PDE4A: variants seen among roughly 807,000 people sequenced by gnomAD.
PDE4A encodes the protein 3',5'-cyclic-AMP phosphodiesterase 4A.
A neutral mutation model predicts 73.9 loss-of-function variants in PDE4A; 21 were observed. The observed-to-expected ratio is 0.28, with a 90% CI of 0.20 to 0.41. The LOEUF (loss-of-function observed/expected upper bound fraction) is 0.41, where lower values mean the gene tolerates loss of function less well. Ranked by LOEUF, PDE4A falls within the 10% of genes least tolerant of loss-of-function variation. The probability of loss-of-function intolerance (pLI) is 1.00; values close to 1 mark genes in which losing one functional copy is unlikely to be tolerated. For missense variants in PDE4A, 958 were observed against 1,211.4 expected, an observed-to-expected ratio of 0.79 and a Z score of 3.10; for synonymous variants, 463 against 505.4, an observed-to-expected ratio of 0.92 and a Z score of 1.13.
chr19:10,430,210 G>A (rs945903775), intron 1 of PDE4A, among the ~76,000 whole-genome samples: 4 of 151,972 alleles, frequency 2.6e-5, no homozygotes, highest in African/African-American at 9.7e-5. Flanking sequence ...GTTTGTGGGA[G>A]TGCCCCCAGA....
upstream of PDE4A, chr19:10,419,086 AAGG>A (rs1180748164): frequency 3.4e-5 from 33 of 958,724 alleles, no homozygotes; most frequent in Non-Finnish European, 4.0e-5. Context: ...TTTTTCAAAT[AAGG>A]AGAAGGGCGC....
At chr19:10,442,101 A>G (rs1384691188) in intron 1 of PDE4A, among the ~76,000 whole-genome samples, 2 of 152,060 alleles carry the variant, frequency 1.3e-5, no homozygotes, top group African/African-American at 2.4e-5. Context: ...TAGTAGGTAG[A>G]TTTCAGGCTA....
intron 6 of PDE4A, chr19:10,452,852 A>C: frequency 4.6e-6 from 2 of 433,158 alleles, no homozygotes; most frequent in Non-Finnish European, 6.2e-6. Flanking sequence ...ATGGGCTCTG[A>C]TGCCCCTTTA....
intron 1 of PDE4A, among the ~76,000 whole-genome samples, chr19:10,431,388 A>G (rs1256490731): frequency 6.6e-6 from 1 of 152,208 alleles, no homozygotes; most frequent in Non-Finnish European, 1.5e-5. Flanking sequence ...GTATGTGTTC[A>G]GTTCTGTCAG....
intron 1 of PDE4A, among the ~76,000 whole-genome samples, chr19:10,438,153 G>A (rs1181786788): frequency 7.4e-6 from 1 of 135,824 alleles, no homozygotes; most frequent in Non-Finnish European, 1.6e-5. Flanking sequence ...TCGCTCTGTC[G>A]CCAGGCTGGA....
At position 10,421,093 on chromosome 19, in the gene PDE4A, C is replaced by G. The variant is rs1270591276; in HGVS notation, c.320+9C>G. On this transcript the variant is annotated intron_variant, in intron 1 of 14. Coordinates refer to ENST00000380702, the MANE Select transcript of PDE4A (RefSeq NM_001111307.2). ...GGAGGCAGCAGCAGGCGGTAAGACTCCCCGCGGCGGATGCGCGCGGAACGG... is the reference window on the plus strand; with the variant it reads ...GGAGGCAGCAGCAGGCGGTAAGACTGCCCGCGGCGGATGCGCGCGGAACGG... 7.3e-7 allele frequency: 1 copy of G among 1,363,824 alleles called. No homozygotes were observed. Among genetic ancestry groups the G allele is most frequent in the South Asian group, 1.7e-5 (1 of 57,440 alleles). The allele number at this position is 1,363,824 out of a possible 1,614,324, so 84.5% of individuals were successfully genotyped here. A position where few individuals can be genotyped will look rare whatever the true frequency, so the allele number is the denominator to read the frequency against.
intron 1 of PDE4A, chr19:10,430,845 A>G (rs2042778043): frequency 8.4e-7 from 1 of 1,186,206 alleles, no homozygotes; most frequent in Non-Finnish European, 1.0e-6. Flanking sequence ...CCCCGCGGCC[A>G]TGGCGCGGCC....
chr19:10,417,651 C>G, upstream of PDE4A: 2 of 1,588,262 alleles, frequency 1.3e-6, no homozygotes, highest in Non-Finnish European at 1.7e-6. Context: ...CCACTTTGTC[C>G]CTCCCCAGAG....
intron 1 of PDE4A, chr19:10,428,748 A>G: frequency 1.0e-6 from 1 of 984,048 alleles, no homozygotes; most frequent in Non-Finnish European, 1.2e-6. Context: ...GCCAGAGGCC[A>G]CACGCAAGCC....
Position 10,420,817 on chromosome 19 carries a change from G to A in PDE4A, c.53G>A (p.Gly18Glu). Residue 18 changes from glycine to glutamate, a missense_variant, in exon 1 of 15, where the codon GGG becomes GAG. This residue lies in a region of PDE4A where 145 missense variants were observed against 137.8 expected (regional missense o/e 1.05). Coordinates refer to ENST00000380702, the MANE Select transcript of PDE4A (RefSeq NM_001111307.2). The surrounding 1 kb of genome is among the most constrained non-coding windows in gnomAD (Gnocchi z 6.0). ...AGGAGCCTGTCTCTGTCACTGCCCG[G>A]GCCCCGGGAGGGCCAGGCCACCCTG... ...SERSLSLSLP[G>E]PREGQATLKP... 1 of 1,587,454 alleles carries A rather than the reference G, an allele frequency of 6.3e-7. No individual in the cohort carries two copies. The highest frequency in any genetic ancestry group is 8.5e-7 in the Non-Finnish European group (1 of 1,175,008).
In PDE4A at chr19:10,461,030, C is replaced by T; in HGVS notation, c.1392C>T (p.Leu464=). 6.2e-7 allele frequency: 1 copy of T among 1,613,702 alleles called. No homozygotes were observed. The highest frequency in any genetic ancestry group is 8.5e-7 in the Non-Finnish European group (1 of 1,179,714). Residue 464 remains leucine (L), a synonymous_variant, in exon 11 of 15, where the codon CTC becomes CTT. Coordinates refer to ENST00000380702, the MANE Select transcript of PDE4A (RefSeq NM_001111307.2). ...CAGTGTTCACGGACCTGGAGATTCT[C>T]GCCGCCCTCTTCGCGGCTGCCATCC... ...LDAVFTDLEI[L]AALFAAAIHD...
chr19:10,432,333 C>T, intron 1 of PDE4A: 3 of 1,267,324 alleles, frequency 2.4e-6, no homozygotes, highest in South Asian at 2.7e-5. Flanking sequence ...GGAGGCGGTG[C>T]CGGCAGTGGA....
At chr19:10,447,563 C>T (rs1409756038) in intron 2 of PDE4A, among the ~76,000 whole-genome samples, 1 of 151,722 alleles carries the variant, frequency 6.6e-6, no homozygotes, top group Non-Finnish European at 1.5e-5. Flanking sequence ...GTGATCGGGT[C>T]TCACTATGTT....
chr19:10,463,647 C>T (rs978436459), intron 13 of PDE4A, 146 bp from the exon 14 acceptor site: 32 of 1,405,112 alleles, frequency 2.3e-5, no homozygotes, highest in East Asian at 5.0e-5. Context: ...ATGATCCACC[C>T]GCCTCAGCAT....
In PDE4A at chr19:10,453,478, C is replaced by A; in HGVS notation, c.784-1351C>A. The A allele has an allele frequency of 9.9e-7, 1 of 1,012,950 alleles. No homozygotes were observed. Among genetic ancestry groups the A allele is most frequent in the Non-Finnish European group, 1.4e-6 (1 of 727,528 alleles). The allele number at this position is 1,012,950 out of a possible 1,614,324, so 62.7% of individuals were successfully genotyped here. ...GTGGCCCAGGGCTGGGCGTGGATGG[C>A]GGGCAGCTGGGGGTGTGTGACTCTC... On this transcript the variant is annotated intron_variant, in intron 6 of 14. Coordinates refer to ENST00000380702, the MANE Select transcript of PDE4A (RefSeq NM_001111307.2). The surrounding 1 kb of genome is among the most constrained non-coding windows in gnomAD (Gnocchi z 4.6).
At chr19:10,429,801 G>T (rs952752938) in intron 1 of PDE4A, among the ~76,000 whole-genome samples, 6 of 152,086 alleles carry the variant, frequency 3.9e-5, no homozygotes, top group Admixed American at 3.9e-4. Flanking sequence ...GTCTATTGGG[G>T]CACCCCAGAT....
chr19:10,432,272 C>T (rs1011716394), intron 1 of PDE4A, among the ~76,000 whole-genome samples: 3 of 151,608 alleles, frequency 2.0e-5, no homozygotes, highest in Admixed American at 6.6e-5. Context: ...CGTGCAGACC[C>T]GGGAACGCTC....
At chr19:10,463,274 G>C (rs542024406) in intron 13 of PDE4A, among the ~76,000 whole-genome samples, 2 of 151,642 alleles carry the variant, frequency 1.3e-5, no homozygotes, top group Non-Finnish European at 2.9e-5. Flanking sequence ...ATTTTTAGTA[G>C]AGATGGGGTT....
intron 14 of PDE4A, 147 bp downstream of exon 14, chr19:10,464,122 G>C: frequency 5.7e-6 from 6 of 1,058,514 alleles, no homozygotes; most frequent in Non-Finnish European, 8.3e-6. Flanking sequence ...TTTTGAGACG[G>C]AGTCTCATTC....
Sources: allele counts gnomAD v4.1 joint callset (sites outside exome capture counted in the v4.1 genomes callset), GRCh38; gene constraint gnomAD v4.1.1; regional missense constraint gnomAD v4.1.1; non-coding constraint Gnocchi (gnomAD v3.1); transcripts MANE v1.5; gene names NCBI Gene and HGNC (gene_info 2026-07-23, HGNC 2026-07-21).